MYO3B: variants seen among roughly 807,000 people sequenced by gnomAD.
The protein encoded by MYO3B is myosin IIIB, also known as myosin-IIIb.
Under a neutral mutation model 174.6 loss-of-function variants are expected in MYO3B, and 156 were observed. The ratio of observed to expected loss-of-function variants is 0.89; its 90% CI spans 0.78 to 1.02. The LOEUF (loss-of-function observed/expected upper bound fraction) is 1.02. Ranked by LOEUF, MYO3B falls within the 50% of genes least tolerant of loss-of-function variation. The pLI is 0.00. For missense variants in MYO3B, 1,632 were observed against 1,639.4 expected, an observed-to-expected ratio of 1.00 and a Z score of 0.08; for synonymous variants, 563 against 569.1, an observed-to-expected ratio of 0.99 and a Z score of 0.15.
In MYO3B at chr2:170,237,984, G is replaced by A. The variant is rs151111435; in HGVS notation, c.749+1848G>A. Among the ~76,000 whole-genome samples the A allele has an allele frequency of 3.0e-3, 451 of 152,210 alleles. 2 individuals are homozygous for A. Among genetic ancestry groups the A allele is most frequent in the African/African-American group, 0.01 (434 of 41,542 alleles). ...CCTTAATGGCTGACGTGACATTCTT[G>A]GACAAGAATGATAAGAGGTTTTATT... On this transcript the variant is annotated intron_variant, in intron 7 of 34. Coordinates refer to ENST00000408978, the MANE Select transcript of MYO3B (RefSeq NM_138995.5).
chr2:170,435,752 A>G (rs1321576560), intron 22 of MYO3B, among the ~76,000 whole-genome samples: 4 of 152,186 alleles, frequency 2.6e-5, no homozygotes, highest in African/African-American at 7.2e-5. Flanking sequence ...TTGTGTTTGG[A>G]GAGAAAATTA....
At chr2:170,601,995 A>G (rs1377940951) in intron 32 of MYO3B, 46 of 876,746 alleles carry the variant, frequency 5.2e-5, no homozygotes, top group Admixed American at 8.7e-5. Flanking sequence ...TAGGAGGGAT[A>G]TAGGTTTTCA....
chr2:170,637,097 C>T (rs1348225356), intron 32 of MYO3B, among the ~76,000 whole-genome samples: 1 of 150,580 alleles, frequency 6.6e-6, no homozygotes, highest in Admixed American at 6.6e-5. Flanking sequence ...TTTGGTTAAG[C>T]TTGGTTTGTT....
At chr2:170,279,939 G>A (rs960926792) in intron 7 of MYO3B, among the ~76,000 whole-genome samples, 1 of 152,166 alleles carries the variant, frequency 6.6e-6, no homozygotes, top group Non-Finnish European at 1.5e-5. Context: ...GTGTGCATAT[G>A]TCTTTATGGT....
intron 8 of MYO3B, among the ~76,000 whole-genome samples, chr2:170,366,554 A>G (rs1408099770): frequency 6.6e-6 from 1 of 152,134 alleles, no homozygotes; most frequent in African/African-American, 2.4e-5. Context: ...TGGGCTCCCA[A>G]AGTGTTGGGA....
intron 23 of MYO3B, among the ~76,000 whole-genome samples, chr2:170,462,995 C>T (rs1363582671): frequency 1.3e-5 from 2 of 152,208 alleles, no homozygotes; most frequent in Non-Finnish European, 2.9e-5. Context: ...GCTTTGGGGC[C>T]ATCACGTCTT....
At chr2:170,363,696 TTAGA>T (rs2094178017) in intron 8 of MYO3B, among the ~76,000 whole-genome samples, 1 of 152,160 alleles carries the variant, frequency 6.6e-6, no homozygotes. Context: ...GAATTTCAAA[TTAGA>T]TAGTGGATTG....
chr2:170,629,488 C>T (rs1400811317), intron 32 of MYO3B, among the ~76,000 whole-genome samples: 1 of 152,168 alleles, frequency 6.6e-6, no homozygotes, highest in African/African-American at 2.4e-5. Context: ...CAAATATACC[C>T]TGAATCCTTT....
At chr2:170,381,860 G>A (rs2094337771) in intron 9 of MYO3B, among the ~76,000 whole-genome samples, 156 bp from the exon 10 acceptor site, 1 of 152,224 alleles carries the variant, frequency 6.6e-6, no homozygotes, top group South Asian at 2.1e-4. Context: ...TACAGTGGCA[G>A]GAAAAGCCTG....
chr2:170,622,564 A>G (rs1696018202), intron 32 of MYO3B, among the ~76,000 whole-genome samples: 2 of 146,550 alleles, frequency 1.4e-5, no homozygotes, highest in African/African-American at 2.6e-5. Flanking sequence ...ACATTCTTTT[A>G]TAATATACAT....
intron 32 of MYO3B, among the ~76,000 whole-genome samples, chr2:170,609,200 A>G (rs1232066682): frequency 2.0e-5 from 3 of 152,230 alleles, no homozygotes; most frequent in African/African-American, 7.2e-5. Flanking sequence ...CATTAATGAG[A>G]AATAGATGCC....
intron 7 of MYO3B, among the ~76,000 whole-genome samples, chr2:170,261,022 T>C (rs1034682879): frequency 1.3e-5 from 2 of 152,150 alleles, no homozygotes; most frequent in African/African-American, 4.8e-5. Context: ...TCGTTTCTTT[T>C]TGTTTTTGTT....
At chr2:170,240,845 G>A (rs1260791302) in intron 7 of MYO3B, among the ~76,000 whole-genome samples, 2 of 152,070 alleles carry the variant, frequency 1.3e-5, no homozygotes, top group Admixed American at 6.6e-5. Context: ...TTTATGACCC[G>A]CAAACCAGAA....
At chr2:170,375,047 A>G (rs1472933435) in intron 9 of MYO3B, among the ~76,000 whole-genome samples, 2 of 152,206 alleles carry the variant, frequency 1.3e-5, no homozygotes, top group Non-Finnish European at 1.5e-5. Context: ...AAGCCCTAAA[A>G]CTATGTGAAC....
At chr2:170,595,017 C>G (rs74648476) in intron 32 of MYO3B, among the ~76,000 whole-genome samples, 1,872 of 152,254 alleles carry the variant, frequency 0.012, 32 homozygotes, top group African/African-American at 0.042. Flanking sequence ...GAGAAAGAAC[C>G]TGTGCAGGAG....
intron 32 of MYO3B, 41 bp from the exon 33 acceptor site, chr2:170,651,587 C>T (rs1699013179): frequency 1.2e-5 from 18 of 1,555,426 alleles, no homozygotes; most frequent in Non-Finnish European, 1.6e-5. Context: ...ATTTTCCCAA[C>T]ACCTCGGACA....
intron 21 of MYO3B, 134 bp from the exon 22 acceptor site, chr2:170,407,581 T>TGCTCTGGATACGAAA (rs1553484745): frequency 1.5e-5 from 10 of 645,786 alleles, no homozygotes; most frequent in Admixed American, 1.5e-4. Context: ...CTTTATCTGG[T>TGCTCTGGATACGAAA]GCTCTGGATA....
rs556659615 is a variant in MYO3B at position 170,219,508 on chromosome 2, G to A, written c.603+2113G>A. Reference sequence around the variant, plus strand: ...AAAATACAAAAATTAGCTGGGTGTGGTAGTACACACCTGTAATTCCAGCTA... The same window carrying A: ...AAAATACAAAAATTAGCTGGGTGTGATAGTACACACCTGTAATTCCAGCTA... On this transcript the variant is annotated intron_variant, in intron 6 of 34. Transcript: ENST00000408978. Among the ~76,000 whole-genome samples the A allele has an allele frequency of 2.0e-5, 3 of 152,224 alleles. No individual in the cohort carries two copies. In the East Asian group the frequency reaches 5.8e-4, roughly 29 times the overall value.
intron 8 of MYO3B, chr2:170,344,417 G>A (rs2094000416): frequency 1.5e-5 from 2 of 131,268 alleles, no homozygotes; most frequent in Non-Finnish European, 3.1e-5. Flanking sequence ...AGTGAGCCGA[G>A]ATCACATCAC....
Sources: allele counts gnomAD v4.1 joint callset (sites outside exome capture counted in the v4.1 genomes callset), GRCh38; gene constraint gnomAD v4.1.1; transcripts MANE v1.5; gene names NCBI Gene and HGNC (gene_info 2026-07-23, HGNC 2026-07-21).